PHAF1: variants seen among roughly 807,000 people sequenced by gnomAD.
The protein encoded by PHAF1 is phagophore assembly factor 1.
In PHAF1, 23 loss-of-function variants were observed where a neutral mutation model predicts 63.1. The ratio of observed to expected loss-of-function variants is 0.36; its 90% CI spans 0.26 to 0.52. PHAF1 has a LOEUF of 0.52. Among genes scored for constraint, PHAF1 ranks in the 20% least tolerant of loss-of-function variants. The pLI is 0.93. For missense variants in PHAF1, 427 were observed against 517.2 expected, an observed-to-expected ratio of 0.83 and a Z score of 1.69; for synonymous variants, 167 against 185.0, an observed-to-expected ratio of 0.90 and a Z score of 0.79.
chr16:67,135,710 G>C (rs976504347), intron 8 of PHAF1: 13 of 151,936 alleles, frequency 8.6e-5, no homozygotes, highest in African/African-American at 2.9e-4. Context: ...GGGCTCAATC[G>C]ATCCTCCCTC....
chr16:67,131,804 G>T (rs1963412023), intron 4 of PHAF1, among the ~76,000 whole-genome samples: 1 of 152,094 alleles, frequency 6.6e-6, no homozygotes, highest in Admixed American at 6.6e-5. Flanking sequence ...GTCCAAAGTT[G>T]TTGCGCCCCC....
At chr16:67,139,327 G>GA (rs1211983167) in intron 8 of PHAF1, among the ~76,000 whole-genome samples, 2 of 135,674 alleles carry the variant, frequency 1.5e-5, no homozygotes, top group Non-Finnish European at 1.6e-5. Flanking sequence ...AGCTTATGGA[G>GA]AAAAAACAGC....
intron 8 of PHAF1, among the ~76,000 whole-genome samples, chr16:67,137,724 A>T (rs1597211871): frequency 1.3e-5 from 2 of 152,154 alleles, no homozygotes; most frequent in Admixed American, 1.3e-4. Flanking sequence ...GTGGTCAAGG[A>T]TCAGGGTCAT....
At chr16:67,145,310 C>G in intron 12 of PHAF1, 66 bp from the exon 13 acceptor site, 1 of 1,582,648 alleles carries the variant, frequency 6.3e-7, no homozygotes, top group Non-Finnish European at 8.6e-7. Flanking sequence ...CTGGTTCCTA[C>G]CTAGGGCTGG....
At chr16:67,146,156 A>G (rs1478383351) in intron 14 of PHAF1, 122 bp from the exon 15 acceptor site, 2 of 899,146 alleles carry the variant, frequency 2.2e-6, no homozygotes, top group East Asian at 4.8e-5. Context: ...TGGGAAACAG[A>G]CAGACACTCA....
Position 67,132,480 on chromosome 16 carries a change from A to C in PHAF1, c.310A>C (p.Thr104Pro), listed in dbSNP as rs753268610. ...VHFNSQAIAP[T>P]IEQIDQSFGA... ...TTTTAATTCTCAGGCCATAGCTCCTACCATTGAACAGATTGACCAGTCTTT... is the reference window on the plus strand; with the variant it reads ...TTTTAATTCTCAGGCCATAGCTCCTCCCATTGAACAGATTGACCAGTCTTT... Residue 104 changes from threonine (T) to proline (P), a missense_variant, in exon 5 of 16, where the codon ACC becomes CCC. Coordinates refer to ENST00000219139, the MANE Select transcript of PHAF1 (RefSeq NM_025187.5). 1 of 1,613,610 alleles carries C rather than the reference A, an allele frequency of 6.2e-7. No homozygotes were observed. The highest frequency in any genetic ancestry group is 1.7e-5 in the Admixed American group (1 of 59,920).
Position 67,134,412 on chromosome 16 carries a change from T to C in PHAF1, c.606T>C (p.Asp202=), listed in dbSNP as rs1340466868. 6.8e-6 allele frequency: 11 copies of C among 1,614,048 alleles called. No individual in the cohort carries two copies. Among genetic ancestry groups the C allele is most frequent in the Non-Finnish European group, 9.3e-6 (11 of 1,180,012 alleles). The stretch of plus-strand genomic sequence containing the variant: ...GCAATGTCTATGCTGAGAGTGTAGA[T>C]GTTCTTCGAGATGGAACTGGACCTG... ...FLGNVYAESV[D]VLRDGTGPAG... Residue 202 remains aspartate, a synonymous_variant, in exon 8 of 16, where the codon GAT becomes GAC. Transcript: ENST00000219139.
At chr16:67,131,447 A>G in intron 4 of PHAF1, 118 bp downstream of exon 4, 3 of 755,818 alleles carry the variant, frequency 4.0e-6, no homozygotes, top group Non-Finnish European at 6.3e-6. Context: ...GCCTGGTGCC[A>G]TGAATTCCTG....
chr16:67,126,001 G>T lies in PHAF1; in HGVS notation c.190G>T (p.Gly64Trp), dbSNP rs1330328567. Residue 64 changes from glycine (G) to tryptophan (W), a missense_variant, in exon 3 of 16, where the codon GGG (glycine) becomes TGG (tryptophan). Coordinates refer to ENST00000219139, the MANE Select transcript of PHAF1 (RefSeq NM_025187.5). Reference sequence around the variant, plus strand: ...CCTCATTCTTAACCTGACTCAGGACGGGATCAAACTAATGTTTGATGCTTT... The same window carrying T: ...CCTCATTCTTAACCTGACTCAGGACTGGATCAAACTAATGTTTGATGCTTT... ...HDLILNLTQD[G>W]IKLMFDAFNQ... 1 of 1,612,968 alleles carries T rather than the reference G, an allele frequency of 6.2e-7. No individual in the cohort carries two copies. Among genetic ancestry groups the T allele is most frequent in the Non-Finnish European group, 8.5e-7 (1 of 1,179,602 alleles).
chr16:67,140,010 G>C lies in PHAF1; in HGVS notation c.688G>C (p.Ala230Pro). Residue 230 changes from alanine (A) to proline (P), a missense_variant, in exon 9 of 16, where the codon GCC (alanine) becomes CCC (proline). Coordinates refer to ENST00000219139, the MANE Select transcript of PHAF1 (RefSeq NM_025187.5). ...TTGTGGACCTGGCCTATTAGCAGATGCCAAGATGCGGGTATTTGAACGTTC... is the reference window on the plus strand; with the variant it reads ...TTGTGGACCTGGCCTATTAGCAGATCCCAAGATGCGGGTATTTGAACGTTC... ...AGCGPGLLAD[A>P]KMRVFERSVY... 6.2e-7 allele frequency: 1 copy of C among 1,614,104 alleles called. No individual in the cohort carries two copies. The highest frequency in any genetic ancestry group is 1.1e-5 in the South Asian group (1 of 91,068).
Position 67,126,030 on chromosome 16 carries a change from T to A in PHAF1, c.219T>A (p.Asn73Lys). 1 of 1,611,028 alleles carries A rather than the reference T, an allele frequency of 6.2e-7. No individual in the cohort carries two copies. The highest frequency in any genetic ancestry group is 2.2e-5 in the East Asian group (1 of 44,866). ...TCAAACTAATGTTTGATGCTTTCAATCAGAGACTTAAGGTAACTATAAATG... is the reference window on the plus strand; with the variant it reads ...TCAAACTAATGTTTGATGCTTTCAAACAGAGACTTAAGGTAACTATAAATG... Reference protein sequence around the residue: ...DGIKLMFDAFNQRLKVIEVCD... With the variant: ...DGIKLMFDAFKQRLKVIEVCD... The change falls in exon 3 of 16, where the codon AAT (asparagine) becomes AAA (lysine). Residue 73 changes from asparagine to lysine, a missense_variant. Asn to Lys is a moderately conservative substitution (Grantham distance 94, BLOSUM62 0). Transcript: ENST00000219139.
At chr16:67,128,723 C>A (rs1174126787) in intron 3 of PHAF1, among the ~76,000 whole-genome samples, 3 of 152,190 alleles carry the variant, frequency 2.0e-5, no homozygotes, top group Admixed American at 2.0e-4. Flanking sequence ...GTGCAGCAAG[C>A]TCCAAGAGAT....
chr16:67,145,272 C>A, intron 12 of PHAF1, 104 bp from the exon 13 acceptor site: 1 of 1,322,792 alleles, frequency 7.6e-7, no homozygotes. Flanking sequence ...CCCATGTACT[C>A]CAACCCCAGT....
Position 67,132,707 on chromosome 16 carries a change from CAAGCCACAGGGA to C in PHAF1, c.356-108_356-97del, listed in dbSNP as rs757602248. On this transcript the variant is annotated intron_variant, in intron 5 of 15. Coordinates refer to ENST00000219139, the MANE Select transcript of PHAF1 (RefSeq NM_025187.5). ...TCAACCTAGTAGGCCAGTTTAGAAACAAGCCACAGGGAAGGTGTTGTCAGTCATTACTCCCTG... is the reference window on the plus strand; with the variant it reads ...TCAACCTAGTAGGCCAGTTTAGAAACAGGTGTTGTCAGTCATTACTCCCTG... 8 of 1,220,270 alleles carry C rather than the reference CAAGCCACAGGGA, an allele frequency of 6.6e-6. No homozygotes were observed. The Admixed American group carries it at 1.1e-4, about 16-fold the overall frequency. 75.6% of individuals were successfully genotyped at this position (1,220,270 alleles called of 1,614,324 possible).
At chr16:67,122,019 T>C (rs995117058) in intron 2 of PHAF1, among the ~76,000 whole-genome samples, 1 of 152,174 alleles carries the variant, frequency 6.6e-6, no homozygotes, top group Non-Finnish European at 1.5e-5. Flanking sequence ...CACCTCAGTC[T>C]CCTGAGTAGC....
chr16:67,112,874 ATCAGACTTTAAAAATGGAAAGTCATTT>A (rs1962575127), intron 1 of PHAF1, among the ~76,000 whole-genome samples: 1 of 152,210 alleles, frequency 6.6e-6, no homozygotes, highest in Non-Finnish European at 1.5e-5. Context: ...ATTTAACTTT[ATCAGACTTTAAAAATGGAAAGTCATTT>A]TCCACCTCTG....
intron 2 of PHAF1, among the ~76,000 whole-genome samples, chr16:67,124,158 G>A (rs1963093374): frequency 6.6e-6 from 1 of 151,994 alleles, no homozygotes; most frequent in African/African-American, 2.4e-5. Context: ...CCAGATCCTG[G>A]CACATGCCTC....
At chr16:67,111,926 G>A (rs1447327796) in intron 1 of PHAF1, among the ~76,000 whole-genome samples, 1 of 152,130 alleles carries the variant, frequency 6.6e-6, no homozygotes, top group Non-Finnish European at 1.5e-5. Context: ...AACCATAAAA[G>A]CCGGTTTAAT....
At chr16:67,119,383 A>C (rs1311880143) in intron 1 of PHAF1, among the ~76,000 whole-genome samples, 1 of 152,126 alleles carries the variant, frequency 6.6e-6, no homozygotes, top group South Asian at 2.1e-4. Context: ...CCTTCCATGC[A>C]TGTCCAACCT....
Sources: allele counts gnomAD v4.1 joint callset (sites outside exome capture counted in the v4.1 genomes callset), GRCh38; gene constraint gnomAD v4.1.1; transcripts MANE v1.5; gene names NCBI Gene and HGNC (gene_info 2026-07-23, HGNC 2026-07-21).